The following SBDS variants were observed in gnomAD, a reference collection of about 807,000 sequenced individuals.
SBDS encodes the protein SBDS ribosome maturation factor, also known as ribosome maturation protein SBDS.
A neutral mutation model predicts 26.4 loss-of-function variants in SBDS; 20 were observed. The ratio of observed to expected loss-of-function variants is 0.76; its 90% CI spans 0.53 to 1.10. The LOEUF (loss-of-function observed/expected upper bound fraction) is 1.10, where lower values mean the gene tolerates loss of function less well. Among genes scored for constraint, SBDS ranks in the 50% least tolerant of loss-of-function variants. SBDS has a pLI of 0.00. For synonymous variants in SBDS, 95 were observed against 105.1 expected (o/e 0.90, Z 0.59); for missense variants, 241 against 302.0 (o/e 0.80, Z 1.50).
chr7:66,988,206 C>G lies in SBDS; in HGVS notation c.*165G>C. On this transcript the variant is annotated 3_prime_UTR_variant, in exon 5 of 5. Transcript: ENST00000246868. The stretch of plus-strand genomic sequence containing the variant: ...TTTATAATTAAAACCAAATCATTCC[C>G]ACATTATTATACTTATGTAGGAAAG... The G allele has an allele frequency of 1.4e-6, 1 of 720,004 alleles. No individual in the cohort carries two copies. The highest frequency in any genetic ancestry group is 1.8e-5 in the South Asian group (1 of 56,144). The allele number at this position is 720,004 out of a possible 1,614,324, so 44.6% of individuals were successfully genotyped here.
rs113692234 is a variant in SBDS at position 66,995,160 on chromosome 7, G to C, written c.128+130C>G. On this transcript the variant is annotated intron_variant, in intron 1 of 4. Coordinates refer to ENST00000246868, the MANE Select transcript of SBDS (RefSeq NM_016038.4). Reference sequence around the variant, plus strand: ...CGGACAGCGACGTCTCATGCTCACAGCAGGAATGTTCCATTTCCTCCCCGG... The same window carrying C: ...CGGACAGCGACGTCTCATGCTCACACCAGGAATGTTCCATTTCCTCCCCGG... 343 of 1,312,072 alleles carry C rather than the reference G, an allele frequency of 2.6e-4. No homozygotes were observed. The African/African-American group carries it at 4.1e-3, about 16-fold the overall frequency. 81.3% of individuals were successfully genotyped at this position (1,312,072 alleles called of 1,614,324 possible).
rs1792902100 is a variant in SBDS, at chr7:66,987,963, C to A, written c.*408G>T. 1 of 255,878 alleles carries A rather than the reference C, an allele frequency of 3.9e-6. No homozygotes were observed. Among genetic ancestry groups the A allele is most frequent in the Non-Finnish European group, 7.6e-6 (1 of 130,752 alleles). The allele number at this position is 255,878 out of a possible 1,614,324, so 15.9% of individuals were successfully genotyped here. ...CAAGTTCCATTAAGTAGAAATGAAG[C>A]ATCATATGTTTTCTTTTTTAGGAAA... On this transcript the variant is annotated 3_prime_UTR_variant, in exon 5 of 5. Coordinates refer to ENST00000246868, the MANE Select transcript of SBDS (RefSeq NM_016038.4).
intron 4 of SBDS, among the ~76,000 whole-genome samples, chr7:66,990,088 T>C (rs1450699255): frequency 6.6e-6 from 1 of 152,010 alleles, no homozygotes; most frequent in African/African-American, 2.4e-5. Flanking sequence ...GGTGCAATCT[T>C]GGCTCACCGC....
intron 3 of SBDS, 39 bp from the exon 4 acceptor site, chr7:66,991,340 T>C (rs1445145487): frequency 4.0e-6 from 6 of 1,504,368 alleles, no homozygotes; most frequent in South Asian, 3.5e-5. Context: ...TCTTCTACTA[T>C]ATTATTTCAT....
Position 66,995,577 on chromosome 7 carries a change from C to CA in SBDS, c.-161dup. The CA allele has an allele frequency of 1.9e-6, 2 of 1,044,862 alleles. No individual in the cohort carries two copies. Among genetic ancestry groups the CA allele is most frequent in the Non-Finnish European group, 2.8e-6 (2 of 706,792 alleles). 64.7% of individuals were successfully genotyped at this position (1,044,862 alleles called of 1,614,324 possible). A position where few individuals can be genotyped will look rare whatever the true frequency, so the allele number is the denominator to read the frequency against. On this transcript the variant is annotated 5_prime_UTR_variant, in exon 1 of 5. Transcript: ENST00000246868. ...ACTCACTAGCTTCAGGCAGCCGTCA[C>CA]AGTGTGTCTGGCAGGCTTACTTACT...
chr7:66,990,779 G>A (rs1792959836), intron 4 of SBDS, among the ~76,000 whole-genome samples: 1 of 152,178 alleles, frequency 6.6e-6, no homozygotes, highest in African/African-American at 2.4e-5. Flanking sequence ...CACTTTGGGA[G>A]GCTGAGGCAG....
chr7:66,993,659 A>G (rs1472325026), intron 2 of SBDS, among the ~76,000 whole-genome samples: 2 of 152,156 alleles, frequency 1.3e-5, no homozygotes, highest in East Asian at 1.9e-4. Flanking sequence ...ATATCACCCA[A>G]GGTCAGGAGT....
intron 4 of SBDS, among the ~76,000 whole-genome samples, chr7:66,989,798 T>G (rs1562954108): frequency 6.6e-6 from 1 of 152,166 alleles, no homozygotes; most frequent in Admixed American, 6.6e-5. Context: ...TCCAGTCAAG[T>G]TGACACCTAA....
At chr7:66,993,006 CAAA>C (rs71526589) in intron 3 of SBDS, among the ~76,000 whole-genome samples, 27 of 115,710 alleles carry the variant, frequency 2.3e-4, no homozygotes, top group African/African-American at 7.5e-4. Flanking sequence ...GACTCTGTCT[CAAA>C]AAAAAAAAAA....
chr7:66,991,655 C>T (rs1376279542), intron 3 of SBDS, among the ~76,000 whole-genome samples: 2 of 134,152 alleles, frequency 1.5e-5, no homozygotes, highest in East Asian at 2.3e-4. Flanking sequence ...AAAAATTAGC[C>T]GGGTGTGGTA....
chr7:66,991,710 A>G (rs1432918225), intron 3 of SBDS, among the ~76,000 whole-genome samples: 1 of 124,950 alleles, frequency 8.0e-6, no homozygotes, highest in Non-Finnish European at 1.6e-5. Flanking sequence ...GAGGCAGGAG[A>G]ATTGCTTGAA....
Position 66,993,286 on chromosome 7 carries a change from C to T in SBDS, c.390G>A (p.Val130=), listed in dbSNP as rs1281554820. ...VNPETKRPYT[V]ILIERAMKDI... is the part of the protein sequence containing the mutation. ...CCTTCATGGCTCTCTCAATAAGGATCACGGTGTATGGTCTCTTTGTTTCAG... is the reference window on the plus strand; with the variant it reads ...CCTTCATGGCTCTCTCAATAAGGATTACGGTGTATGGTCTCTTTGTTTCAG... The change falls in exon 3 of 5, where the codon GTG becomes GTA. Residue 130 remains valine (V), a synonymous_variant. Transcript: ENST00000246868. The T allele has an allele frequency of 1.2e-6, 2 of 1,613,996 alleles. No individual in the cohort carries two copies. The highest frequency in any genetic ancestry group is 1.7e-6 in the Non-Finnish European group (2 of 1,180,022).
rs1308826515 is a variant in SBDS at position 66,993,314 on chromosome 7, T to G, written c.362A>C (p.Asn121Thr). Residue 121 changes from asparagine to threonine, a missense_variant, in exon 3 of 5, where the codon AAT becomes ACT. Physicochemically the swap from Asn to Thr is moderately conservative, Grantham distance 65. Transcript: ENST00000246868. ...GGTGTATGGTCTCTTTGTTTCAGGA[T>G]TCACACATTTGTCTGCCACAATAGT... ...IATIVADKCV[N>T]PETKRPYTVI... The G allele has an allele frequency of 1.9e-6, 3 of 1,614,066 alleles. No individual in the cohort carries two copies. The highest frequency in any genetic ancestry group is 1.1e-5 in the South Asian group (1 of 91,092).
chr7:66,988,358 A>T lies in SBDS; in HGVS notation c.*13T>A. The T allele has an allele frequency of 6.2e-7, 1 of 1,612,698 alleles. No homozygotes were observed. The highest frequency in any genetic ancestry group is 2.2e-5 in the East Asian group (1 of 44,880). ...ACACTTTAGTGTTTTAGAGGTGAAGAGATTGATGGGTGTCATTCAAATTTC... is the reference window on the plus strand; with the variant it reads ...ACACTTTAGTGTTTTAGAGGTGAAGTGATTGATGGGTGTCATTCAAATTTC... On this transcript the variant is annotated 3_prime_UTR_variant, in exon 5 of 5. Coordinates refer to ENST00000246868, the MANE Select transcript of SBDS (RefSeq NM_016038.4).
intron 4 of SBDS, 70 bp from the exon 5 acceptor site, chr7:66,988,569 T>C (rs1289386399): frequency 6.4e-7 from 1 of 1,563,290 alleles, no homozygotes; most frequent in Non-Finnish European, 8.7e-7. Context: ...AGCTTTAACT[T>C]CCTTTGAGGC....
In SBDS at chr7:66,988,366, G is replaced by A. The variant is rs777930622; in HGVS notation, c.*5C>T. 1.2e-6 allele frequency: 2 copies of A among 1,612,836 alleles called. No homozygotes were observed. The highest frequency in any genetic ancestry group is 1.7e-6 in the Non-Finnish European group (2 of 1,179,824). On this transcript the variant is annotated 3_prime_UTR_variant, in exon 5 of 5. Coordinates refer to ENST00000246868, the MANE Select transcript of SBDS (RefSeq NM_016038.4). ...GTGTTTTAGAGGTGAAGAGATTGATGGGTGTCATTCAAATTTCTCATCTCC... is the reference window on the plus strand; with the variant it reads ...GTGTTTTAGAGGTGAAGAGATTGATAGGTGTCATTCAAATTTCTCATCTCC...
At chr7:66,992,599 GA>G (rs200317456) in intron 3 of SBDS, among the ~76,000 whole-genome samples, 129 of 146,918 alleles carry the variant, frequency 8.8e-4, no homozygotes, top group African/African-American at 2.2e-3. Flanking sequence ...GTGTTTACTT[GA>G]AAAAAAAAAA....
intron 2 of SBDS, 147 bp downstream of exon 2, chr7:66,994,065 G>T (rs1300394721): frequency 3.1e-6 from 2 of 651,804 alleles, no homozygotes; most frequent in African/African-American, 1.9e-5. Flanking sequence ...AAACCACCAA[G>T]TTCTTTATTA....
At position 66,994,019 on chromosome 7, in the gene SBDS, CAAAAA is replaced by C. The variant is rs66521756; in HGVS notation, c.258+188_258+192del. On this transcript the variant is annotated intron_variant, in intron 2 of 4. Coordinates refer to ENST00000246868, the MANE Select transcript of SBDS (RefSeq NM_016038.4). Reference sequence around the variant, plus strand: ...AAAATCTGATTTCAGGAGGTTTTGGCAAAAAAAAAAAAAAAAAAACCACAAAAAAC... The same window carrying C: ...AAAATCTGATTTCAGGAGGTTTTGGCAAAAAAAAAAAAAACCACAAAAAAC... Among the ~76,000 whole-genome samples the C allele has an allele frequency of 3.2e-4, 26 of 81,704 alleles. 1 individual carries two copies. Among genetic ancestry groups the C allele is most frequent in the Admixed American group, 3.0e-3 (25 of 8,356 alleles). 53.6% of individuals were successfully genotyped at this position (81,704 alleles called of 152,430 possible).
Sources: allele counts gnomAD v4.1 joint callset (sites outside exome capture counted in the v4.1 genomes callset), GRCh38; gene constraint gnomAD v4.1.1; transcripts MANE v1.5; gene names NCBI Gene and HGNC (gene_info 2026-07-23, HGNC 2026-07-21).